The following BANP variants were observed in gnomAD, a reference collection of about 807,000 sequenced individuals.
BANP encodes the protein protein BANP.
In BANP, 11 loss-of-function variants were observed where a neutral mutation model predicts 68.1. The ratio of observed to expected loss-of-function variants is 0.16; its 90% confidence interval spans 0.10 to 0.27. The LOEUF is 0.27. BANP is among the 10% of genes least tolerant of loss of function. The pLI, the probability that BANP is intolerant of heterozygous loss-of-function variation, is 1.00. For missense variants in BANP, 504 were observed against 722.7 expected (o/e 0.70, Z 3.47); for synonymous variants, 329 against 303.2 (o/e 1.09, Z -0.88).
intron 1 of BANP, among the ~76,000 whole-genome samples, chr16:87,954,374 T>G (rs2057619070): frequency 6.6e-6 from 1 of 152,256 alleles, no homozygotes; most frequent in Non-Finnish European, 1.5e-5. Flanking sequence ...ATTTCTTGTT[T>G]CCACTAATGT....
At chr16:88,012,356 A>G (rs1032335051) in intron 6 of BANP, among the ~76,000 whole-genome samples, 1 of 152,238 alleles carries the variant, frequency 6.6e-6, no homozygotes, top group African/African-American at 2.4e-5. Context: ...CCAGATGAAA[A>G]TTAATTTTTG....
chr16:88,015,144 C>G (rs1298312399), intron 6 of BANP, among the ~76,000 whole-genome samples: 2 of 146,024 alleles, frequency 1.4e-5, no homozygotes, highest in African/African-American at 2.5e-5. Context: ...CCTGTGCTCC[C>G]TTAGCTCGTG....
intron 12 of BANP, among the ~76,000 whole-genome samples, chr16:88,068,051 T>C (rs1226712113): frequency 6.6e-6 from 1 of 152,204 alleles, no homozygotes; most frequent in Non-Finnish European, 1.5e-5. Flanking sequence ...GGAGTGGCAC[T>C]GCTCTGCGTG....
intron 1 of BANP, among the ~76,000 whole-genome samples, chr16:87,961,795 A>T (rs1189440599): frequency 1.3e-5 from 2 of 152,162 alleles, no homozygotes; most frequent in Non-Finnish European, 2.9e-5. Context: ...TTTATAGACT[A>T]ATGGGCTCTC....
At chr16:88,063,526 C>T (rs533683922) in intron 11 of BANP, among the ~76,000 whole-genome samples, 6 of 152,304 alleles carry the variant, frequency 3.9e-5, no homozygotes, top group Admixed American at 2.0e-4. Flanking sequence ...GTGGGGTGAC[C>T]GCTGGTCATT....
intron 6 of BANP, among the ~76,000 whole-genome samples, chr16:88,009,239 C>T (rs889954191): frequency 2.6e-5 from 4 of 152,078 alleles, no homozygotes; most frequent in Admixed American, 1.3e-4. Flanking sequence ...GGTGAATCAG[C>T]GAGTTTCTAC....
intron 1 of BANP, among the ~76,000 whole-genome samples, chr16:87,974,335 CT>C (rs2145742634): frequency 6.6e-6 from 1 of 152,296 alleles, no homozygotes; most frequent in African/African-American, 2.4e-5. Flanking sequence ...AGGAAAGCCC[CT>C]GACTGTGTTT....
intron 4 of BANP, among the ~76,000 whole-genome samples, chr16:87,991,430 A>T (rs1177282896): frequency 6.6e-6 from 1 of 152,262 alleles, no homozygotes; most frequent in East Asian, 1.9e-4. Context: ...CTCTAGTTTT[A>T]GAATAACTCA....
Position 87,981,119 on chromosome 16 carries a change from T to C in BANP, c.154T>C (p.Ser52Pro). ...QRLEINCQDP[S>P]IKSFLYSINQ... ...ACTAGAAATCAATTGCCAGGATCCA[T>C]CTATAAAGGTAAAAATCTGACTCTG... is the stretch of plus-strand genomic sequence containing the variant. Residue 52 changes from serine (S) to proline (P), a missense_variant, in exon 3 of 14, where the codon TCT becomes CCT. Ser to Pro is a moderately conservative substitution (Grantham distance 74). Around this residue, in one of 3 missense-constraint regions of BANP, gnomAD observed 238 missense variants for 278.9 expected, o/e 0.85. Transcript: ENST00000682872. 1.9e-6 allele frequency: 3 copies of C among 1,613,664 alleles called. No homozygotes were observed. The highest frequency in any genetic ancestry group is 2.2e-5 in the East Asian group (1 of 44,882).
intron 1 of BANP, among the ~76,000 whole-genome samples, chr16:87,954,604 G>A (rs2057675755): frequency 6.6e-6 from 1 of 152,224 alleles, no homozygotes; most frequent in Non-Finnish European, 1.5e-5. Flanking sequence ...TCTTTAGGAA[G>A]GCCCCTTTGC....
intron 2 of BANP, among the ~76,000 whole-genome samples, chr16:87,975,534 C>T (rs13336415): frequency 0.14 from 20,957 of 147,086 alleles, 1,576 homozygotes; most frequent in Middle Eastern, 0.25. Flanking sequence ...CCCCTGTGTG[C>T]GGCGTCATGG....
chr16:87,984,280 C>T (rs550337364), intron 4 of BANP, 21 bp downstream of exon 4: 60 of 1,552,218 alleles, frequency 3.9e-5, no homozygotes, highest in Admixed American at 1.2e-4. Flanking sequence ...ACCAGGGTGC[C>T]GGGGCCTTCA....
intron 6 of BANP, among the ~76,000 whole-genome samples, chr16:88,016,578 G>A (rs535161156): frequency 2.0e-5 from 3 of 152,346 alleles, no homozygotes; most frequent in East Asian, 1.9e-4. Flanking sequence ...TAGACCCAGC[G>A]CCAGGCCCTT....
At position 87,981,113 on chromosome 16, in the gene BANP, G is replaced by A. The variant is rs752599482; in HGVS notation, c.148G>A (p.Asp50Asn). ...KRQRLEINCQ[D>N]PSIKSFLYSI... ...CCAGCGACTAGAAATCAATTGCCAG[G>A]ATCCATCTATAAAGGTAAAAATCTG... The change falls in exon 3 of 14, where the codon GAT becomes AAT. Residue 50 changes from aspartate (D) to asparagine (N), a missense_variant. By Grantham distance (23) the Asp-to-Asn change is conservative. Around this residue, in one of 3 missense-constraint regions of BANP, gnomAD observed 238 missense variants for 278.9 expected, o/e 0.85. Transcript: ENST00000682872. 1 of 1,613,922 alleles carries A rather than the reference G, an allele frequency of 6.2e-7. No homozygotes were observed. Among genetic ancestry groups the A allele is most frequent in the Non-Finnish European group, 8.5e-7 (1 of 1,179,858 alleles).
Position 87,989,915 on chromosome 16 carries a change from C to T in BANP, c.362+5656C>T, listed in dbSNP as rs1381251188. On this transcript the variant is annotated intron_variant, in intron 4 of 13. Transcript: ENST00000682872. Reference sequence around the variant, plus strand: ...CGGGGGATGCAGGCCCGCGTGGCTGCGCACATCCAGGACACAGGACACAGG... The same window carrying T: ...CGGGGGATGCAGGCCCGCGTGGCTGTGCACATCCAGGACACAGGACACAGG... 4.9e-5 allele frequency among the ~76,000 whole-genome samples: 6 copies of T among 123,532 alleles called. 1 individual carries two copies. The highest frequency in any genetic ancestry group is 3.2e-4 in the East Asian group (1 of 3,166). The allele number at this position is 123,532 out of a possible 152,430, so 81.0% of individuals were successfully genotyped here.
rs577357923 is a variant in BANP, at chr16:88,061,757, C to T, written c.1312-3510C>T. 4.3e-3 allele frequency among the ~76,000 whole-genome samples: 656 copies of T among 152,134 alleles called. 6 individuals carry two copies. The highest frequency in any genetic ancestry group is 7.4e-3 in the Non-Finnish European group (504 of 68,006). ...CTCGGCTCACCGCAACCTCTGCCTC[C>T]TGGGTTCAAGCAATTCTCCTGCCTC... On this transcript the variant is annotated intron_variant, in intron 11 of 13. Transcript: ENST00000682872.
chr16:87,988,507 C>G (rs1190079505), intron 4 of BANP, among the ~76,000 whole-genome samples: 1 of 152,020 alleles, frequency 6.6e-6, no homozygotes, highest in Non-Finnish European at 1.5e-5. Context: ...CCTCATGATC[C>G]ACCCGCCTCG....
chr16:88,064,360 C>CTTAG lies in BANP; in HGVS notation c.1312-906_1312-903dup, dbSNP rs1220624392. Among the ~76,000 whole-genome samples the CTTAG allele has an allele frequency of 6.6e-6, 1 of 152,228 alleles. No individual in the cohort carries two copies. The highest frequency in any genetic ancestry group is 1.5e-5 in the Non-Finnish European group (1 of 68,044). On this transcript the variant is annotated intron_variant, in intron 11 of 13. Transcript: ENST00000682872. The surrounding 1 kb of genome is among the most constrained non-coding windows in gnomAD (Gnocchi z 4.5). ...GGTCAGGGACAGTGGGTTCCTCTCCCTTAGCATGCTTGGAAGCAGTGGTGG... is the reference window on the plus strand; with the variant it reads ...GGTCAGGGACAGTGGGTTCCTCTCCCTTAGTTAGCATGCTTGGAAGCAGTGGTGG...
At chr16:88,048,605 C>T (rs752428810) in intron 11 of BANP, among the ~76,000 whole-genome samples, 2 of 150,740 alleles carry the variant, frequency 1.3e-5, no homozygotes, top group African/African-American at 2.4e-5. Flanking sequence ...ACAGTGTTCT[C>T]GGTATTAAAT....
Sources: allele counts gnomAD v4.1 joint callset (sites outside exome capture counted in the v4.1 genomes callset), GRCh38; gene constraint gnomAD v4.1.1; regional missense constraint gnomAD v4.1.1; non-coding constraint Gnocchi (gnomAD v3.1); transcripts MANE v1.5; gene names NCBI Gene and HGNC (gene_info 2026-07-23, HGNC 2026-07-21).